IRAG2: variants seen among roughly 807,000 people sequenced by gnomAD.
IRAG2 encodes the protein lymphoid restricted membrane protein.
In IRAG2, 45 loss-of-function variants were observed where a neutral mutation model predicts 69.9. The ratio of observed to expected loss-of-function variants is 0.64; its 90% CI spans 0.51 to 0.83. The LOEUF (loss-of-function observed/expected upper bound fraction) is 0.83. IRAG2 is among the 40% of genes least tolerant of loss of function. The pLI is 0.00. For synonymous variants in IRAG2, 193 were observed against 202.4 expected, an observed-to-expected ratio of 0.95 and a Z score of 0.40; for missense variants, 520 against 587.0, an observed-to-expected ratio of 0.89 and a Z score of 1.18.
chr12:25,035,665 G>T lies in IRAG2; in HGVS notation c.1756G>T (p.Glu586Ter), dbSNP rs1183955621. The T allele has an allele frequency of 3.3e-5, 13 of 398,888 alleles. No individual in the cohort carries two copies. The highest frequency in any genetic ancestry group is 6.2e-4 in the Middle Eastern group (1 of 1,608). 24.7% of individuals were successfully genotyped at this position (398,888 alleles called of 1,614,324 possible). ...ATCCTTGTTTCAGAACACTGAAACA[G>T]AAAGGCAGCACAATGTAATCAACTT... The change falls in exon 14 of 39, where the codon GAA becomes TAA. Residue 586 changes from glutamate to a stop codon, truncating the protein, a stop_gained. Transcript: ENST00000636465. LOFTEE classifies it high-confidence loss of function.
chr12:25,028,346 T>A (rs1944641079), intron 9 of IRAG2, among the ~76,000 whole-genome samples: 1 of 152,238 alleles, frequency 6.6e-6, no homozygotes, highest in Non-Finnish European at 1.5e-5. Context: ...CCAGATTTGT[T>A]ATCTTTTTAT....
intron 6 of IRAG2, 85 bp from the exon 7 acceptor site, chr12:25,079,159 G>A: frequency 7.6e-7 from 1 of 1,321,576 alleles, no homozygotes; most frequent in South Asian, 1.2e-5. Flanking sequence ...ATTTAGAATT[G>A]TATGAAAATG....
intron 14 of IRAG2, among the ~76,000 whole-genome samples, chr12:25,090,556 A>C (rs774393940): frequency 2.0e-5 from 3 of 152,114 alleles, no homozygotes; most frequent in Non-Finnish European, 2.9e-5. Context: ...AAAACAAAAC[A>C]AAAAACACCC....
intron 4 of IRAG2, among the ~76,000 whole-genome samples, chr12:25,066,009 T>G (rs2140001531): frequency 6.6e-6 from 1 of 152,340 alleles, no homozygotes; most frequent in Admixed American, 6.5e-5. Flanking sequence ...GGCTGGATTT[T>G]CACCCGCTGG....
chr12:25,018,510 A>G (rs1392682906), intron 6 of IRAG2, among the ~76,000 whole-genome samples: 1 of 151,894 alleles, frequency 6.6e-6, no homozygotes, highest in Non-Finnish European at 1.5e-5. Context: ...GCCCAGTCAT[A>G]TGTTTCACTA....
exon 15 of IRAG2, chr12:25,036,645 C>T (rs1944704427): frequency 2.5e-6 from 1 of 398,742 alleles, no homozygotes; most frequent in Non-Finnish European, 4.4e-6. Flanking sequence ...GGTAACTAAT[C>T]CAGAAATTAC....
At chr12:25,101,049 T>TTA in intron 15 of IRAG2, 129 bp from the exon 16 acceptor site, 2 of 606,340 alleles carry the variant, frequency 3.3e-6, no homozygotes, top group East Asian at 3.3e-5. Flanking sequence ...CATGTCTTTT[T>TTA]AAAAAAAAAA....
chr12:25,105,806 T>A (rs533022550), intron 20 of IRAG2, among the ~76,000 whole-genome samples: 1 of 152,340 alleles, frequency 6.6e-6, no homozygotes, highest in East Asian at 1.9e-4. Context: ...TTGTTTTCTT[T>A]AAAAACTAAA....
intron 15 of IRAG2, among the ~76,000 whole-genome samples, chr12:25,100,596 TG>T (rs1353363781): frequency 1.3e-5 from 2 of 152,164 alleles, no homozygotes; most frequent in Non-Finnish European, 2.9e-5. Flanking sequence ...GTTTGGAGGC[TG>T]GAAGGAGGAA....
At chr12:25,105,955 G>A (rs955785792) in intron 20 of IRAG2, among the ~76,000 whole-genome samples, 6 of 151,832 alleles carry the variant, frequency 4.0e-5, no homozygotes, top group Admixed American at 3.9e-4. Flanking sequence ...AGCAAATATA[G>A]TGGAACAATT....
At chr12:25,106,725 T>C (rs1365650125) in intron 20 of IRAG2, among the ~76,000 whole-genome samples, 2 of 123,884 alleles carry the variant, frequency 1.6e-5, no homozygotes, top group East Asian at 3.0e-4. Flanking sequence ...TTATTATTTT[T>C]CTAAATAGAA....
In IRAG2 at chr12:25,065,456, T is replaced by C. The variant is rs1279943444; in HGVS notation, c.-206-909T>C. On this transcript the variant is annotated intron_variant, in intron 4 of 21. Transcript: ENST00000556887. ...CAGAAACACACATAACAAGATGGTT[T>C]TCCCTAATAAATGATTTGTGATCTC... Among the ~76,000 whole-genome samples, 6 of 152,224 alleles carry C rather than the reference T, an allele frequency of 3.9e-5. No homozygotes were observed. The East Asian group carries it at 1.2e-3, about 29-fold the overall frequency.
At chr12:25,097,238 T>C (rs10842465) in intron 15 of IRAG2, among the ~76,000 whole-genome samples, 194 bp downstream of exon 15, 87,178 of 152,152 alleles carry the variant, frequency 0.57, 28,326 homozygotes, top group East Asian at 0.91. Flanking sequence ...AAAAATATAA[T>C]ACGATCCAGT....
At chr12:25,084,285 G>C (rs1190931591) in intron 10 of IRAG2, among the ~76,000 whole-genome samples, 4 of 152,086 alleles carry the variant, frequency 2.6e-5, no homozygotes, top group Admixed American at 2.6e-4. Flanking sequence ...AGTTATATAG[G>C]AGGGCAAGGC....
At chr12:25,050,315 G>A (rs759638634), upstream of IRAG2, among the ~76,000 whole-genome samples, 188 of 151,900 alleles carry the variant, frequency 1.2e-3, 1 homozygote, top group Non-Finnish European at 5.9e-4. Flanking sequence ...CGGATCTCGA[G>A]GTCAGGAAAT....
upstream of IRAG2, among the ~76,000 whole-genome samples, chr12:25,049,443 T>C (rs985441457): frequency 6.6e-6 from 1 of 152,176 alleles, no homozygotes; most frequent in Non-Finnish European, 1.5e-5. Context: ...GTAGTTCTCC[T>C]TGAAGAGGTC....
At chr12:25,078,330 A>G (rs1946963589) in intron 6 of IRAG2, among the ~76,000 whole-genome samples, 1 of 152,212 alleles carries the variant, frequency 6.6e-6, no homozygotes, top group Admixed American at 6.5e-5. Flanking sequence ...TATGGGAGAT[A>G]CTTTCTGGGA....
chr12:25,028,310 G>C (rs1197535617), intron 9 of IRAG2, among the ~76,000 whole-genome samples: 1 of 152,096 alleles, frequency 6.6e-6, no homozygotes, highest in African/African-American at 2.4e-5. Context: ...CAGTGCATGA[G>C]GGCTCAAATT....
intron 2 of IRAG2, among the ~76,000 whole-genome samples, chr12:25,009,871 G>C (rs1944461479): frequency 6.6e-6 from 1 of 152,148 alleles, no homozygotes; most frequent in African/African-American, 2.4e-5. Context: ...TGTTACCTGG[G>C]AGAAGGTCAG....
Sources: gnomAD v4.1 joint callset for allele counts (sites outside exome capture counted in the v4.1 genomes callset) on GRCh38, gnomAD v4.1.1 for gene constraint, MANE v1.5 for transcripts, NCBI Gene and HGNC (gene_info 2026-07-23, HGNC 2026-07-21) for gene names.